Variants in PSPC1 observed in about 807,000 individuals in gnomAD.
The protein encoded by PSPC1 is paraspeckle component 1.
In PSPC1, 14 loss-of-function variants were observed where a neutral mutation model predicts 51.6. The ratio of observed to expected loss-of-function variants is 0.27; its 90% CI spans 0.18 to 0.42. PSPC1 has a LOEUF of 0.42. PSPC1 is among the 10% of genes least tolerant of loss of function. PSPC1 has a pLI of 1.00. For missense variants in PSPC1, 406 were observed against 701.1 expected, an observed-to-expected ratio of 0.58 and a Z score of 4.75; for synonymous variants, 193 against 231.9, an observed-to-expected ratio of 0.83 and a Z score of 1.53.
rs1460285202 is a variant in PSPC1 at position 19,782,623 on chromosome 13, C to G, written c.135G>C (p.Pro45=). ...AAMALALAGE[P]APPAPAPPED... is the part of the protein sequence containing the mutation. ...CTGGAGGCGCGGGCGCGGGCGGTGC[C>G]GGCTCCCCGGCAAGAGCGAGCGCCA... is the stretch of plus-strand genomic sequence containing the variant. The change falls in exon 1 of 9, where the codon CCG becomes CCC. Residue 45 remains proline, a synonymous_variant. Coordinates refer to ENST00000338910, the MANE Select transcript of PSPC1 (RefSeq NM_001354909.2). The surrounding 1 kb of genome is among the most constrained non-coding windows in gnomAD (Gnocchi z 4.5). 2 of 1,574,322 alleles carry G rather than the reference C, an allele frequency of 1.3e-6. No individual in the cohort carries two copies. Among genetic ancestry groups the G allele is most frequent in the Admixed American group, 1.9e-5 (1 of 53,688 alleles).
chr13:19,778,278 G>A (rs1030347247), intron 1 of PSPC1, among the ~76,000 whole-genome samples: 1 of 134,154 alleles, frequency 7.5e-6, no homozygotes, highest in Non-Finnish European at 1.6e-5. Context: ...GGTTTTAGAA[G>A]ATTAATTTTT....
At chr13:19,672,799 G>A (rs1188723949), downstream of PSPC1, 1 of 273,238 alleles carries the variant, frequency 3.7e-6, no homozygotes, top group Non-Finnish European at 7.3e-6. Flanking sequence ...CTAAAAGAGA[G>A]TATTAAATGT....
chr13:19,708,092 A>G (rs1301782072), intron 7 of PSPC1, among the ~76,000 whole-genome samples: 1 of 152,212 alleles, frequency 6.6e-6, no homozygotes, highest in Non-Finnish European at 1.5e-5. Context: ...TATCAGAGAT[A>G]TTCACTAACT....
intron 6 of PSPC1, among the ~76,000 whole-genome samples, chr13:19,692,912 GGTC>G (rs1484747460): frequency 6.6e-6 from 1 of 152,084 alleles, no homozygotes; most frequent in Non-Finnish European, 1.5e-5. Flanking sequence ...TGATCTATGT[GGTC>G]TCTCTGCTCC....
rs531485969 is a variant in PSPC1 at position 19,702,978 on chromosome 13, G to A, written c.*197C>T. 13 of 459,494 alleles carry A rather than the reference G, an allele frequency of 2.8e-5. No individual in the cohort carries two copies. The highest frequency in any genetic ancestry group is 5.3e-5 in the Non-Finnish European group (13 of 246,926). 28.5% of individuals were successfully genotyped at this position (459,494 alleles called of 1,614,324 possible). ...ACAAACACATTTCAACATTCAAAATGATGAGCATCATTACCATTCTAATCT... is the reference window on the plus strand; with the variant it reads ...ACAAACACATTTCAACATTCAAAATAATGAGCATCATTACCATTCTAATCT... On this transcript the variant is annotated 3_prime_UTR_variant, in exon 9 of 9. Transcript: ENST00000338910.
At chr13:19,684,145 C>T (rs1877590314) in intron 6 of PSPC1, among the ~76,000 whole-genome samples, 1 of 152,072 alleles carries the variant, frequency 6.6e-6, no homozygotes, top group African/African-American at 2.4e-5. Context: ...TAATTTTGTC[C>T]CCAAATCCCT....
At chr13:19,679,641 A>C (rs1807329025) in intron 6 of PSPC1, among the ~76,000 whole-genome samples, 1 of 152,242 alleles carries the variant, frequency 6.6e-6, no homozygotes, top group South Asian at 2.1e-4. Context: ...TAAGCAACAT[A>C]TAATTTAAAG....
At chr13:19,708,703 C>T (rs868423530) in intron 7 of PSPC1, among the ~76,000 whole-genome samples, 8 of 152,050 alleles carry the variant, frequency 5.3e-5, no homozygotes, top group Non-Finnish European at 1.0e-4. Context: ...CTTCTGTGCA[C>T]AACACTGTAG....
rs1877050221 is a variant in PSPC1, at chr13:19,679,580, T to C, written c.1159-1757A>G. 1.3e-5 allele frequency among the ~76,000 whole-genome samples: 2 copies of C among 152,208 alleles called. 1 individual carries two copies. The highest frequency in any genetic ancestry group is 4.1e-4 in the South Asian group (2 of 4,838). On this transcript the variant is annotated intron_variant and NMD_transcript_variant, in intron 6 of 7. Transcript: ENST00000471658. Reference sequence around the variant, plus strand: ...CATGTATAGACTTTTTTCCTTGTCATTATTCCCTAAACAATATAGCTCCAT... The same window carrying C: ...CATGTATAGACTTTTTTCCTTGTCACTATTCCCTAAACAATATAGCTCCAT...
At chr13:19,752,421 TAC>T (rs2138138208) in intron 3 of PSPC1, among the ~76,000 whole-genome samples, 1 of 152,208 alleles carries the variant, frequency 6.6e-6, no homozygotes. Flanking sequence ...TTTTCATATA[TAC>T]ATATATATGT....
intron 1 of PSPC1, among the ~76,000 whole-genome samples, chr13:19,776,061 T>A (rs1034755513): frequency 6.6e-5 from 10 of 151,338 alleles, no homozygotes; most frequent in South Asian, 2.1e-4. Flanking sequence ...AAAAAAAAAA[T>A]AAAATAAAAT....
rs1876914638 is a variant in PSPC1 at position 19,678,520 on chromosome 13, C to T, written c.1159-697G>A. The T allele has an allele frequency of 2.6e-5, 4 of 152,220 alleles. No individual in the cohort carries two copies. In the South Asian group the frequency reaches 8.3e-4, roughly 32 times the overall value. The allele number at this position is 152,220 out of a possible 1,614,324, so 9.4% of individuals were successfully genotyped here. On this transcript the variant is annotated intron_variant and NMD_transcript_variant, in intron 6 of 7. Coordinates refer to the PSPC1 transcript ENST00000471658. Reference sequence around the variant, plus strand: ...GCTCAATTTTCAACTGTTGGGGGTCCATGATCCAAAAATATTGGAAATCAT... The same window carrying T: ...GCTCAATTTTCAACTGTTGGGGGTCTATGATCCAAAAATATTGGAAATCAT...
chr13:19,763,123 C>T (rs796973417), intron 2 of PSPC1, among the ~76,000 whole-genome samples: 33 of 151,688 alleles, frequency 2.2e-4, no homozygotes, highest in African/African-American at 8.0e-4. Flanking sequence ...AAAAACTCAA[C>T]TTAAATTCTG....
At chr13:19,775,222 C>G (rs895586521) in intron 1 of PSPC1, among the ~76,000 whole-genome samples, 10 of 151,840 alleles carry the variant, frequency 6.6e-5, no homozygotes, top group Non-Finnish European at 1.3e-4. Flanking sequence ...GCATGTGGCA[C>G]GGGCCTGTAG....
chr13:19,755,457 G>A (rs1334244118), intron 3 of PSPC1, among the ~76,000 whole-genome samples: 1 of 151,796 alleles, frequency 6.6e-6, no homozygotes, highest in Non-Finnish European at 1.5e-5. Context: ...GCATGGTTAT[G>A]TGCGCCTGTA....
intron 2 of PSPC1, among the ~76,000 whole-genome samples, chr13:19,766,022 A>G (rs1031129499): frequency 6.6e-6 from 1 of 152,238 alleles, no homozygotes; most frequent in Admixed American, 6.5e-5. Flanking sequence ...TAGGAAAAGT[A>G]CAAAATTATT....
At chr13:19,774,810 A>T (rs1888935621) in intron 1 of PSPC1, among the ~76,000 whole-genome samples, 2 of 148,774 alleles carry the variant, frequency 1.3e-5, no homozygotes, top group African/African-American at 2.4e-5. Flanking sequence ...GTGTCCAAAA[A>T]AAAAAAAACA....
chr13:19,718,461 A>C (rs1382323857), intron 6 of PSPC1, among the ~76,000 whole-genome samples: 1 of 152,382 alleles, frequency 6.6e-6, no homozygotes, highest in Non-Finnish European at 1.5e-5. Flanking sequence ...AATGGTGACA[A>C]TCCGAAACAC....
At chr13:19,732,470 G>C (rs941475652) in intron 5 of PSPC1, among the ~76,000 whole-genome samples, 31 of 152,142 alleles carry the variant, frequency 2.0e-4, no homozygotes, top group Non-Finnish European at 7.3e-5. Context: ...TATATGCTCA[G>C]TGGGATCTGG....
Sources: allele counts gnomAD v4.1 joint callset (sites outside exome capture counted in the v4.1 genomes callset), GRCh38; gene constraint gnomAD v4.1.1; non-coding constraint Gnocchi (gnomAD v3.1); transcripts MANE v1.5; gene names NCBI Gene and HGNC (gene_info 2026-07-23, HGNC 2026-07-21).